Variants in CDH13 observed in about 807,000 individuals in gnomAD.
CDH13 encodes cadherin-13.
In CDH13, 24 loss-of-function variants were observed where a neutral mutation model predicts 63.8. The observed-to-expected ratio is 0.38, with a 90% CI of 0.27 to 0.53. CDH13 has a LOEUF of 0.53. CDH13 is among the 20% of genes least tolerant of loss of function. The probability of loss-of-function intolerance (pLI) is 0.85; values close to 1 mark genes in which losing one functional copy is unlikely to be tolerated. For synonymous variants in CDH13, 503 were observed against 355.3 expected (o/e 1.42, Z -4.67); for missense variants, 1,049 against 903.1 (o/e 1.16, Z -2.07).
At chr16:83,369,121 G>C (rs2091314571) in intron 6 of CDH13, among the ~76,000 whole-genome samples, 1 of 151,132 alleles carries the variant, frequency 6.6e-6, no homozygotes, top group Admixed American at 6.6e-5. Flanking sequence ...TCTACTTTTA[G>C]TTCTTTAAGG....
chr16:82,918,537 G>C (rs13334966), intron 2 of CDH13, among the ~76,000 whole-genome samples: 51,640 of 139,064 alleles, frequency 0.37, 10,011 homozygotes, highest in Non-Finnish European at 0.45. Context: ...GAGACATAGT[G>C]TCACTCTGTC....
intron 1 of CDH13, among the ~76,000 whole-genome samples, chr16:82,807,542 A>G (rs574103462): frequency 4.8e-5 from 7 of 146,462 alleles, no homozygotes; most frequent in African/African-American, 1.5e-4. Context: ...GAGCAAAACC[A>G]TCTGGGTAAA....
At chr16:82,877,449 A>G (rs1327881896) in intron 2 of CDH13, among the ~76,000 whole-genome samples, 1 of 152,198 alleles carries the variant, frequency 6.6e-6, no homozygotes, top group East Asian at 1.9e-4. Flanking sequence ...GTTGGTCTTA[A>G]GCACTACGCC....
intron 1 of CDH13, among the ~76,000 whole-genome samples, chr16:82,779,276 C>G (rs2035639645): frequency 6.6e-6 from 1 of 152,060 alleles, no homozygotes; most frequent in Admixed American, 6.6e-5. Context: ...TGTCCAAGAT[C>G]ACACAGATAG....
chr16:82,888,900 G>A (rs1217331264), intron 2 of CDH13, among the ~76,000 whole-genome samples: 3 of 152,144 alleles, frequency 2.0e-5, no homozygotes, highest in East Asian at 1.9e-4. Flanking sequence ...TGGGGAGGAG[G>A]GTGGATAGCT....
intron 8 of CDH13, among the ~76,000 whole-genome samples, chr16:83,605,930 C>G (rs139183726): frequency 1.2e-3 from 189 of 152,286 alleles, no homozygotes; most frequent in African/African-American, 4.3e-3. Flanking sequence ...AAATGCATCA[C>G]TATGAGATCA....
chr16:82,996,624 A>G (rs892466745), intron 2 of CDH13, among the ~76,000 whole-genome samples: 7 of 152,226 alleles, frequency 4.6e-5, no homozygotes, highest in African/African-American at 9.6e-5. Flanking sequence ...TAAGGGGGCA[A>G]TGTTAGCCTT....
At chr16:83,620,587 A>G (rs928073074) in intron 8 of CDH13, among the ~76,000 whole-genome samples, 6 of 152,102 alleles carry the variant, frequency 3.9e-5, no homozygotes, top group African/African-American at 1.4e-4. Context: ...CAACATGAGT[A>G]GACGTTTATG....
At chr16:82,804,882 A>C (rs1021979779) in intron 1 of CDH13, among the ~76,000 whole-genome samples, 17 of 152,228 alleles carry the variant, frequency 1.1e-4, no homozygotes, top group African/African-American at 4.1e-4. Context: ...AAGAATGTTC[A>C]AATTCCCTCA....
At chr16:82,736,301 G>A (rs2033670688) in intron 1 of CDH13, among the ~76,000 whole-genome samples, 1 of 152,104 alleles carries the variant, frequency 6.6e-6, no homozygotes, top group Admixed American at 6.5e-5. Context: ...TAACTCTGGA[G>A]GTTAAGGAAG....
chr16:82,971,384 A>G (rs1259847478), intron 2 of CDH13, among the ~76,000 whole-genome samples: 1 of 152,218 alleles, frequency 6.6e-6, no homozygotes, highest in African/African-American at 2.4e-5. Flanking sequence ...GCACACTTGA[A>G]TCCTTGTTGC....
intron 4 of CDH13, among the ~76,000 whole-genome samples, chr16:83,145,166 G>A (rs1328316669): frequency 1.3e-5 from 2 of 152,126 alleles, no homozygotes; most frequent in East Asian, 1.9e-4. Context: ...ATCCAATTCG[G>A]CTTTAATTAC....
intron 3 of CDH13, among the ~76,000 whole-genome samples, chr16:83,121,751 G>C (rs1047859094): frequency 5.9e-5 from 9 of 152,108 alleles, no homozygotes; most frequent in Non-Finnish European, 1.2e-4. Context: ...ACGTTTGGAT[G>C]GGTTCCTAGC....
chr16:83,629,360 C>G (rs1910584530), intron 8 of CDH13, among the ~76,000 whole-genome samples: 2 of 152,188 alleles, frequency 1.3e-5, no homozygotes, highest in Admixed American at 1.3e-4. Context: ...TACATTTTCC[C>G]ATTTACATTC....
chr16:83,694,033 C>G (rs774707731), intron 10 of CDH13, among the ~76,000 whole-genome samples: 1 of 152,154 alleles, frequency 6.6e-6, no homozygotes, highest in Non-Finnish European at 1.5e-5. Context: ...TTCATGGTCA[C>G]AAGCAACAGA....
chr16:82,814,836 T>C (rs2037623234), intron 1 of CDH13, among the ~76,000 whole-genome samples: 1 of 152,020 alleles, frequency 6.6e-6, no homozygotes, highest in Non-Finnish European at 1.5e-5. Context: ...GGGGACAGTC[T>C]TGGAGGACCT....
At chr16:83,332,653 A>G (rs1299639460) in intron 5 of CDH13, among the ~76,000 whole-genome samples, 1 of 152,192 alleles carries the variant, frequency 6.6e-6, no homozygotes, top group Non-Finnish European at 1.5e-5. Context: ...TAGATCTGGC[A>G]TAATTCCATC....
Position 83,077,167 on chromosome 16 carries a change from C to CT in CDH13, c.366+44953dup, listed in dbSNP as rs2032900031. Among the ~76,000 whole-genome samples, 5 of 101,002 alleles carry CT rather than the reference C, an allele frequency of 5.0e-5. No individual in the cohort carries two copies. The South Asian group carries it at 1.0e-3, about 20-fold the overall frequency. 66.3% of individuals were successfully genotyped at this position (101,002 alleles called of 152,430 possible). ...ATAAGATTTTCTTTTTCTTTCTTTT[C>CT]TTTTCTTTTTTTTCTTTTCTTTTTT... On this transcript the variant is annotated intron_variant, in intron 3 of 13. Coordinates refer to ENST00000567109, the MANE Select transcript of CDH13 (RefSeq NM_001257.5).
Position 83,125,371 on chromosome 16 carries a change from G to A in CDH13, c.367-14G>A, listed in dbSNP as rs766253004. The A allele has an allele frequency of 7.3e-7, 1 of 1,366,124 alleles. No homozygotes were observed. The allele number at this position is 1,366,124 out of a possible 1,614,324, so 84.6% of individuals were successfully genotyped here. On this transcript the variant is annotated splice_polypyrimidine_tract_variant and intron_variant, in intron 3 of 13. Transcript: ENST00000567109. ...ATGGGAGATTTTAATCAATCCTTTT[G>A]TTTTCCCTTTTAGGATATATTTAAA...
Sources: allele counts gnomAD v4.1 joint callset (sites outside exome capture counted in the v4.1 genomes callset), GRCh38; gene constraint gnomAD v4.1.1; transcripts MANE v1.5; gene names NCBI Gene and HGNC (gene_info 2026-07-23, HGNC 2026-07-21).